GALNTL5: variants seen among roughly 807,000 people sequenced by gnomAD.
The protein encoded by GALNTL5 is inactive polypeptide N-acetylgalactosaminyltransferase-like protein 5.
Under a neutral mutation model 51.0 loss-of-function variants are expected in GALNTL5, and 44 were observed. That is an observed-to-expected ratio of 0.86 (90% CI 0.68 to 1.11). The LOEUF (loss-of-function observed/expected upper bound fraction) is 1.11. Among genes scored for constraint, GALNTL5 ranks in the 50% least tolerant of loss-of-function variants. GALNTL5 has a pLI of 0.00. For missense variants in GALNTL5, 528 were observed against 531.8 expected (o/e 0.99, Z 0.07); for synonymous variants, 192 against 182.8 (o/e 1.05, Z -0.41).
chr7:151,976,187 T>C (rs562077745), intron 3 of GALNTL5, among the ~76,000 whole-genome samples: 3 of 152,318 alleles, frequency 2.0e-5, no homozygotes, highest in African/African-American at 7.2e-5. Flanking sequence ...CTACTTTTAT[T>C]TTATTGCAGT....
intron 1 of GALNTL5, among the ~76,000 whole-genome samples, chr7:151,966,494 C>G (rs982735482): frequency 2.0e-5 from 3 of 152,120 alleles, no homozygotes; most frequent in African/African-American, 7.2e-5. Context: ...GTCTCGAACT[C>G]CTGACCTCAG....
Position 151,988,452 on chromosome 7 carries a change from C to T in GALNTL5, c.658+1171C>T, listed in dbSNP as rs567991797. Among the ~76,000 whole-genome samples, 9 of 152,268 alleles carry T rather than the reference C, an allele frequency of 5.9e-5. No individual in the cohort carries two copies. The South Asian group carries it at 1.9e-3, about 32-fold the overall frequency. On this transcript the variant is annotated intron_variant, in intron 5 of 8. Transcript: ENST00000392800. ...GCAAGCTGATGAAATGTCCCTGCTC[C>T]TTAGCAGGAAACACCTCCTTAAGGA...
chr7:151,981,663 TC>T (rs1207752742), intron 3 of GALNTL5, among the ~76,000 whole-genome samples: 1 of 116,496 alleles, frequency 8.6e-6, no homozygotes, highest in East Asian at 2.9e-4. Flanking sequence ...CCTCCCTCCC[TC>T]CCCCTCTTCT....
At chr7:151,991,546 A>G (rs1307245208) in intron 5 of GALNTL5, among the ~76,000 whole-genome samples, 1 of 152,192 alleles carries the variant, frequency 6.6e-6, no homozygotes, top group Non-Finnish European at 1.5e-5. Flanking sequence ...CACACCGTTC[A>G]TTGAATAGTC....
chr7:152,002,956 C>A lies in GALNTL5; in HGVS notation c.901C>A (p.Pro301Thr), dbSNP rs2081601364. The change falls in exon 6 of 9, where the codon CCA becomes ACA. Residue 301 changes from proline to threonine, a missense_variant. By Grantham distance (38) the Pro-to-Thr change is conservative. Coordinates refer to ENST00000392800, the MANE Select transcript of GALNTL5 (RefSeq NM_145292.4). ...GGATGGACCAGAAGGATCTACTAAA[C>A]CAATCCGGTGAGATTTCTTCTGGTT... The part of the protein sequence containing the change: ...EMDGPEGSTK[P>T]IRSPAMSGGI... 1 of 1,613,238 alleles carries A rather than the reference C, an allele frequency of 6.2e-7. No homozygotes were observed. The highest frequency in any genetic ancestry group is 8.5e-7 in the Non-Finnish European group (1 of 1,179,430).
chr7:151,984,654 T>C (rs1056664311), intron 4 of GALNTL5, among the ~76,000 whole-genome samples: 1 of 151,634 alleles, frequency 6.6e-6, no homozygotes, highest in Non-Finnish European at 1.5e-5. Flanking sequence ...ATGGGAAGAG[T>C]GTGGAGTGAG....
chr7:151,978,549 T>C (rs901280986), intron 3 of GALNTL5, among the ~76,000 whole-genome samples: 1 of 152,200 alleles, frequency 6.6e-6, no homozygotes, highest in African/African-American at 2.4e-5. Flanking sequence ...GACTGATGCA[T>C]GGTAAAATTT....
At chr7:152,019,197 C>T (rs1277238584) in intron 8 of GALNTL5, among the ~76,000 whole-genome samples, 5 of 152,218 alleles carry the variant, frequency 3.3e-5, no homozygotes, top group African/African-American at 1.2e-4. Context: ...CACACAGACC[C>T]TGAATGGCAG....
chr7:151,967,129 A>T, intron 1 of GALNTL5, 79 bp from the exon 2 acceptor site: 1 of 848,410 alleles, frequency 1.2e-6, no homozygotes, highest in Non-Finnish European at 1.8e-6. Context: ...AAACACTAAA[A>T]ATGGAATTTA....
At chr7:151,964,825 G>A (rs2081037892) in intron 1 of GALNTL5, among the ~76,000 whole-genome samples, 1 of 152,130 alleles carries the variant, frequency 6.6e-6, no homozygotes, top group Non-Finnish European at 1.5e-5. Context: ...TTACATTTCA[G>A]CATGTGGAGG....
chr7:151,968,248 A>G (rs1374619902), intron 2 of GALNTL5, among the ~76,000 whole-genome samples: 1 of 152,166 alleles, frequency 6.6e-6, no homozygotes, highest in Admixed American at 6.6e-5. Context: ...ACAGTGAGCT[A>G]TGATTGGGCC....
chr7:151,964,557 C>A (rs150436637), intron 1 of GALNTL5, among the ~76,000 whole-genome samples: 1 of 152,142 alleles, frequency 6.6e-6, no homozygotes, highest in Non-Finnish European at 1.5e-5. Context: ...GTGGCTTGCT[C>A]CTCCTTGCCT....
intron 1 of GALNTL5, among the ~76,000 whole-genome samples, chr7:151,962,501 T>C (rs1016814775): frequency 1.3e-5 from 2 of 150,008 alleles, no homozygotes. Context: ...TAAATACTGT[T>C]CCTTAATTTT....
intron 5 of GALNTL5, among the ~76,000 whole-genome samples, chr7:151,996,871 T>A (rs754042577): frequency 2.3e-4 from 35 of 151,782 alleles, no homozygotes; most frequent in Non-Finnish European, 4.1e-4. Flanking sequence ...TTTAATGTGA[T>A]GTAAAATAAA....
intron 6 of GALNTL5, among the ~76,000 whole-genome samples, chr7:152,007,169 A>G (rs1216899024): frequency 1.3e-5 from 2 of 152,174 alleles, no homozygotes; most frequent in African/African-American, 4.8e-5. Flanking sequence ...AGTAAATATT[A>G]CAATTCACCT....
chr7:151,971,014 T>G lies in GALNTL5; in HGVS notation c.317T>G (p.Ile106Ser), dbSNP rs1206212117. The change falls in exon 3 of 9, where the codon ATC (isoleucine) becomes AGC (serine). Residue 106 changes from isoleucine (I) to serine (S), a missense_variant. Physicochemically the swap from Ile to Ser is moderately radical, Grantham distance 142 (BLOSUM62 -2). Coordinates refer to ENST00000392800, the MANE Select transcript of GALNTL5 (RefSeq NM_145292.4). ...ELLKYGFNVIISRSLGIEREV... is the reference protein window; with the variant it reads ...ELLKYGFNVISSRSLGIEREV... ...TTAAAATATGGATTTAATGTGATTATCAGTAGAAGCTTGGGCATCGAAAGA... is the reference window on the plus strand; with the variant it reads ...TTAAAATATGGATTTAATGTGATTAGCAGTAGAAGCTTGGGCATCGAAAGA... 6.2e-7 allele frequency: 1 copy of G among 1,611,284 alleles called. No homozygotes were observed.
chr7:152,017,354 T>C (rs10230958), intron 8 of GALNTL5, among the ~76,000 whole-genome samples: 8,565 of 152,276 alleles, frequency 0.056, 735 homozygotes, highest in African/African-American at 0.19. Context: ...ACAGTAAAAG[T>C]ATGGTATTAT....
chr7:151,997,549 C>T (rs1157687714), intron 5 of GALNTL5, among the ~76,000 whole-genome samples: 1 of 152,174 alleles, frequency 6.6e-6, no homozygotes, highest in Non-Finnish European at 1.5e-5. Flanking sequence ...TGCTAGGTGG[C>T]CTGTTCCCAC....
At chr7:151,994,360 G>A (rs1166143187) in intron 5 of GALNTL5, among the ~76,000 whole-genome samples, 2 of 152,174 alleles carry the variant, frequency 1.3e-5, no homozygotes, top group Admixed American at 6.5e-5. Context: ...TGAGCCTGGA[G>A]ACGGGTTTTC....
Sources: gnomAD v4.1 joint callset for allele counts (sites outside exome capture counted in the v4.1 genomes callset) on GRCh38, gnomAD v4.1.1 for gene constraint, MANE v1.5 for transcripts, NCBI Gene and HGNC (gene_info 2026-07-23, HGNC 2026-07-21) for gene names.